Variants in OSTF1 observed in about 807,000 individuals in gnomAD.
The protein encoded by OSTF1 is osteoclast stimulating factor 1, also known as osteoclast-stimulating factor 1.
In OSTF1, 27 loss-of-function variants were observed where a neutral mutation model predicts 37.2. The observed-to-expected ratio is 0.73, with a 90% CI of 0.54 to 1.00. The LOEUF is 1.00. OSTF1 is among the 50% of genes least tolerant of loss of function. The pLI is 0.00. For missense variants in OSTF1, 232 were observed against 253.8 expected (o/e 0.91, Z 0.58); for synonymous variants, 82 against 89.2 (o/e 0.92, Z 0.46).
At chr9:75,091,315 A>G (rs1039273415) in intron 1 of OSTF1, among the ~76,000 whole-genome samples, 2 of 151,738 alleles carry the variant, frequency 1.3e-5, no homozygotes, top group Admixed American at 6.6e-5. Context: ...TGACCTTGTG[A>G]TCCACCCTCC....
At chr9:75,135,791 GTCT>G (rs1825833946) in intron 7 of OSTF1, among the ~76,000 whole-genome samples, 1 of 152,152 alleles carries the variant, frequency 6.6e-6, no homozygotes, top group Non-Finnish European at 1.5e-5. Context: ...GGAGCTTGGG[GTCT>G]TCTTCCAAGT....
intron 6 of OSTF1, among the ~76,000 whole-genome samples, 192 bp downstream of exon 6, chr9:75,133,593 G>T (rs1490954214): frequency 6.6e-6 from 1 of 152,214 alleles, no homozygotes; most frequent in Non-Finnish European, 1.5e-5. Context: ...CAGCCTCACT[G>T]CATGGGTCCC....
At chr9:75,137,426 G>T in intron 7 of OSTF1, 112 bp from the exon 8 acceptor site, 4 of 672,988 alleles carry the variant, frequency 5.9e-6, no homozygotes, top group Non-Finnish European at 1.1e-5. Context: ...CTATAACTTT[G>T]TTCCCATTTT....
chr9:75,114,956 G>A (rs1825455778), intron 1 of OSTF1, among the ~76,000 whole-genome samples: 1 of 152,206 alleles, frequency 6.6e-6, no homozygotes, highest in African/African-American at 2.4e-5. Context: ...CAGGCACTGT[G>A]GTAGGCACTC....
chr9:75,115,552 AG>A (rs1348829520), intron 1 of OSTF1, among the ~76,000 whole-genome samples: 28 of 152,230 alleles, frequency 1.8e-4, no homozygotes, highest in South Asian at 1.7e-3. Context: ...GGCCTCCCAA[AG>A]CTTTTAAATA....
At position 75,098,009 on chromosome 9, in the gene OSTF1, C is replaced by T. The variant is rs142693419; in HGVS notation, c.34+9283C>T. Among the ~76,000 whole-genome samples the T allele has an allele frequency of 8.0e-3, 1,212 of 152,150 alleles. 46 individuals are homozygous for T. Among genetic ancestry groups the T allele is most frequent in the Admixed American group, 0.064 (971 of 15,260 alleles). On this transcript the variant is annotated intron_variant, in intron 1 of 9. Coordinates refer to ENST00000346234, the MANE Select transcript of OSTF1 (RefSeq NM_012383.5). ...AGGAGTTAGGACTGCAGTTGTGCAT[C>T]ACCATGCCTGGCTAATTTTTGTATT...
chr9:75,110,081 A>G lies in OSTF1; in HGVS notation c.35-7423A>G, dbSNP rs145316120. 1.1e-3 allele frequency among the ~76,000 whole-genome samples: 166 copies of G among 152,320 alleles called. 1 individual carries two copies. Among genetic ancestry groups the G allele is most frequent in the African/African-American group, 3.7e-3 (152 of 41,566 alleles). ...ATTGATGAATCTTCATTGATGCATC[A>G]ATGCATCATCATCATCCAGAATCCA... On this transcript the variant is annotated intron_variant, in intron 1 of 9. Transcript: ENST00000346234.
intron 1 of OSTF1, 66 bp from the exon 2 acceptor site, chr9:75,117,438 G>GAT: frequency 9.2e-7 from 1 of 1,084,892 alleles, no homozygotes; most frequent in Middle Eastern, 2.2e-4. Flanking sequence ...GGATATAATG[G>GAT]ATAATGCTAT....
intron 2 of OSTF1, among the ~76,000 whole-genome samples, chr9:75,122,786 A>G (rs532873411): frequency 1.2e-4 from 18 of 152,318 alleles, no homozygotes; most frequent in African/African-American, 4.3e-4. Context: ...AATATTTCTG[A>G]ATGCCCAGAC....
intron 2 of OSTF1, among the ~76,000 whole-genome samples, chr9:75,120,805 C>T (rs768137969): frequency 5.9e-5 from 9 of 152,236 alleles, no homozygotes; most frequent in Non-Finnish European, 1.3e-4. Flanking sequence ...TGCTCTGCTC[C>T]TTCCTGTTCT....
At chr9:75,146,159 T>A (rs1826020685) in intron 9 of OSTF1, among the ~76,000 whole-genome samples, 1 of 152,268 alleles carries the variant, frequency 6.6e-6, no homozygotes, top group South Asian at 2.1e-4. Flanking sequence ...CTTGAACATT[T>A]GATGGGGTCC....
At chr9:75,117,015 T>C (rs1202032330) in intron 1 of OSTF1, among the ~76,000 whole-genome samples, 5 of 152,218 alleles carry the variant, frequency 3.3e-5, no homozygotes, top group Non-Finnish European at 7.3e-5. Flanking sequence ...TTGCTGCTGC[T>C]ACTTATATAT....
At position 75,141,010 on chromosome 9, in the gene OSTF1, T is replaced by G. The variant is rs541743840; in HGVS notation, c.586+78T>G. 25 of 1,056,824 alleles carry G rather than the reference T, an allele frequency of 2.4e-5. No individual in the cohort carries two copies. In the East Asian group the frequency reaches 4.8e-4, roughly 20 times the overall value. 65.5% of individuals were successfully genotyped at this position (1,056,824 alleles called of 1,614,324 possible). ...TTAACTTAGAATGGCGCAAAAGAGATAAACTCAGCTGAGTGCAGTGGCTTA... is the reference window on the plus strand; with the variant it reads ...TTAACTTAGAATGGCGCAAAAGAGAGAAACTCAGCTGAGTGCAGTGGCTTA... On this transcript the variant is annotated intron_variant, in intron 9 of 9. Transcript: ENST00000346234.
intron 7 of OSTF1, among the ~76,000 whole-genome samples, chr9:75,134,992 T>C (rs1404301287): frequency 6.6e-6 from 1 of 152,192 alleles, no homozygotes; most frequent in East Asian, 1.9e-4. Context: ...AACAGCTTTC[T>C]TTTTTCTCCC....
chr9:75,094,588 C>T (rs1825039364), intron 1 of OSTF1, among the ~76,000 whole-genome samples: 2 of 152,028 alleles, frequency 1.3e-5, no homozygotes, highest in African/African-American at 4.8e-5. Flanking sequence ...CTAATACACA[C>T]CTTATACCTC....
intron 2 of OSTF1, 39 bp from the exon 3 acceptor site, chr9:75,127,529 TG>T (rs1825680437): frequency 8.3e-7 from 1 of 1,211,432 alleles, no homozygotes; most frequent in Non-Finnish European, 1.2e-6. Flanking sequence ...TTCTAATTCA[TG>T]AAAAATCACA....
At chr9:75,137,858 G>T (rs1177990338) in intron 8 of OSTF1, among the ~76,000 whole-genome samples, 1 of 152,128 alleles carries the variant, frequency 6.6e-6, no homozygotes, top group Non-Finnish European at 1.5e-5. Flanking sequence ...ATTACTTTTA[G>T]TAAGAACTGT....
intron 3 of OSTF1, 50 bp from the exon 4 acceptor site, chr9:75,130,528 T>C: frequency 8.3e-7 from 1 of 1,209,590 alleles, no homozygotes; most frequent in Non-Finnish European, 1.2e-6. Flanking sequence ...GAAAAGTGAA[T>C]GAATGCAGTC....
intron 1 of OSTF1, among the ~76,000 whole-genome samples, chr9:75,110,081 A>C (rs145316120): frequency 9.8e-5 from 15 of 152,324 alleles, no homozygotes; most frequent in African/African-American, 3.4e-4. Flanking sequence ...TTGATGCATC[A>C]ATGCATCATC....
Sources: allele counts gnomAD v4.1 joint callset (sites outside exome capture counted in the v4.1 genomes callset), GRCh38; gene constraint gnomAD v4.1.1; transcripts MANE v1.5; gene names NCBI Gene and HGNC (gene_info 2026-07-23, HGNC 2026-07-21).